Variants in SLC41A2 observed in about 807,000 individuals in gnomAD.
SLC41A2 encodes solute carrier family 41 member 2.
Under a neutral mutation model 58.3 loss-of-function variants are expected in SLC41A2, and 32 were observed. The ratio of observed to expected loss-of-function variants is 0.55; its 90% CI spans 0.41 to 0.74. The LOEUF (loss-of-function observed/expected upper bound fraction) is 0.74, where lower values mean the gene tolerates loss of function less well. SLC41A2 is among the 30% of genes least tolerant of loss of function. The pLI is 0.00. For synonymous variants in SLC41A2, 190 were observed against 235.0 expected, an observed-to-expected ratio of 0.81 and a Z score of 1.75; for missense variants, 514 against 680.6, an observed-to-expected ratio of 0.76 and a Z score of 2.72.
chr12:104,820,208 G>A (rs1439815267), intron 10 of SLC41A2, among the ~76,000 whole-genome samples: 1 of 152,228 alleles, frequency 6.6e-6, no homozygotes, highest in South Asian at 2.1e-4. Context: ...GGTCATCCCT[G>A]TAATCCTAGT....
chr12:104,892,772 C>G (rs1388510673), intron 4 of SLC41A2, among the ~76,000 whole-genome samples: 2 of 152,074 alleles, frequency 1.3e-5, no homozygotes, highest in Non-Finnish European at 2.9e-5. Flanking sequence ...GTCTTTTTAA[C>G]AAGTGGTGCT....
chr12:104,835,177 G>A (rs956113879), intron 10 of SLC41A2, among the ~76,000 whole-genome samples: 2 of 152,168 alleles, frequency 1.3e-5, no homozygotes, highest in Non-Finnish European at 2.9e-5. Context: ...CCTTTATACA[G>A]GTGGGAAACA....
chr12:104,874,073 GTT>G (rs529722018), intron 6 of SLC41A2, among the ~76,000 whole-genome samples: 4 of 117,616 alleles, frequency 3.4e-5, no homozygotes, highest in Admixed American at 1.7e-4. Flanking sequence ...GCCTGAGTTT[GTT>G]TTTTTTTTTT....
chr12:104,951,314 A>G (rs1001773772), intron 1 of SLC41A2, among the ~76,000 whole-genome samples: 7 of 152,222 alleles, frequency 4.6e-5, no homozygotes, highest in Non-Finnish European at 1.0e-4. Flanking sequence ...ACTCTGTGGA[A>G]TATAAAAAGA....
intron 2 of SLC41A2, among the ~76,000 whole-genome samples, chr12:104,916,623 GA>G: frequency 6.6e-6 from 1 of 151,956 alleles, no homozygotes; most frequent in Admixed American, 6.6e-5. Context: ...TACCAAAACA[GA>G]GATATAGATC....
At chr12:104,811,886 A>C (rs1321361601) in intron 10 of SLC41A2, among the ~76,000 whole-genome samples, 1 of 152,230 alleles carries the variant, frequency 6.6e-6, no homozygotes, top group African/African-American at 2.4e-5. Context: ...AGGCCAAAAG[A>C]TTACTTACAT....
intron 3 of SLC41A2, among the ~76,000 whole-genome samples, chr12:104,903,440 A>C (rs1297421462): frequency 6.6e-6 from 1 of 152,068 alleles, no homozygotes; most frequent in African/African-American, 2.4e-5. Context: ...TTTATCTAAC[A>C]CAGTGGTTTT....
intron 1 of SLC41A2, among the ~76,000 whole-genome samples, chr12:104,930,311 A>G (rs1005699023): frequency 7.2e-5 from 11 of 152,208 alleles, no homozygotes; most frequent in African/African-American, 9.6e-5. Context: ...ACCAATGGCC[A>G]GAGTGAAGCA....
intron 1 of SLC41A2, among the ~76,000 whole-genome samples, chr12:104,955,950 AGATTC>A (rs1268141839): frequency 6.6e-6 from 1 of 152,236 alleles, no homozygotes; most frequent in Non-Finnish European, 1.5e-5. Flanking sequence ...TAAGAAAACA[AGATTC>A]TCCACTTTAC....
At chr12:104,943,548 T>C (rs370998578) in intron 1 of SLC41A2, among the ~76,000 whole-genome samples, 3 of 152,228 alleles carry the variant, frequency 2.0e-5, no homozygotes, top group Non-Finnish European at 2.9e-5. Flanking sequence ...CACGGACCCC[T>C]GGACCAGCCT....
chr12:104,899,862 C>G (rs1457717201), intron 3 of SLC41A2, among the ~76,000 whole-genome samples: 1 of 152,132 alleles, frequency 6.6e-6, no homozygotes, highest in African/African-American at 2.4e-5. Flanking sequence ...AGGCCCCTCT[C>G]ACATTTCTGC....
In SLC41A2 at chr12:104,813,899, G is replaced by A. The variant is rs1034720720; in HGVS notation, c.1537-8562C>T. Among the ~76,000 whole-genome samples the A allele has an allele frequency of 1.1e-4, 16 of 152,212 alleles. No individual in the cohort carries two copies. The East Asian group carries it at 2.7e-3, about 26-fold the overall frequency. Reference sequence around the variant, plus strand: ...GATCTGCCCACCTTGGCCTCCCAAAGTGCTGGGATTACAGGCTTGAGCCTC... The same window carrying A: ...GATCTGCCCACCTTGGCCTCCCAAAATGCTGGGATTACAGGCTTGAGCCTC... On this transcript the variant is annotated intron_variant, in intron 10 of 10. Transcript: ENST00000258538.
At position 104,895,316 on chromosome 12, in the gene SLC41A2, A is replaced by G; in HGVS notation, c.693T>C (p.Ile231=). The G allele has an allele frequency of 6.2e-7, 1 of 1,613,138 alleles. No homozygotes were observed. The change falls in exon 4 of 11, where the codon ATT becomes ATC. Residue 231 remains isoleucine, a synonymous_variant. Coordinates refer to ENST00000258538, the MANE Select transcript of SLC41A2 (RefSeq NM_001352171.3). The part of the protein sequence containing the change: ...AVNIGKMDSP[I]EKWNLIIGNL... ...TGCCAATTATTAGGTTCCACTTTTC[A>G]ATGGGTGAATCCATCTTCCCAATAT... is the stretch of plus-strand genomic sequence containing the variant.
chr12:104,893,609 T>C (rs1442138141), intron 4 of SLC41A2, among the ~76,000 whole-genome samples: 1 of 152,166 alleles, frequency 6.6e-6, no homozygotes, highest in Non-Finnish European at 1.5e-5. Context: ...GCAAACTAAG[T>C]GACCATCAAC....
intron 6 of SLC41A2, among the ~76,000 whole-genome samples, chr12:104,880,629 C>T (rs1235228143): frequency 4.6e-5 from 7 of 152,148 alleles, no homozygotes; most frequent in Admixed American, 1.3e-4. Context: ...TATTGATTTG[C>T]ATATGTTGAA....
intron 10 of SLC41A2, among the ~76,000 whole-genome samples, chr12:104,823,919 TCA>T (rs1456574014): frequency 6.6e-6 from 1 of 152,200 alleles, no homozygotes; most frequent in East Asian, 1.9e-4. Context: ...GCTGTTTTTG[TCA>T]CACACAAAAA....
chr12:104,858,782 T>C (rs1235922640), intron 8 of SLC41A2, among the ~76,000 whole-genome samples: 2 of 152,134 alleles, frequency 1.3e-5, no homozygotes, highest in Non-Finnish European at 2.9e-5. Context: ...AAAGTGCTGA[T>C]AGCCAACTAA....
intron 7 of SLC41A2, among the ~76,000 whole-genome samples, chr12:104,863,690 A>G (rs2043298315): frequency 6.6e-6 from 1 of 151,954 alleles, no homozygotes; most frequent in South Asian, 2.1e-4. Context: ...TCCCACTTTG[A>G]TCCCTTCCCA....
chr12:104,852,678 A>C (rs982319505), intron 8 of SLC41A2, among the ~76,000 whole-genome samples: 2 of 152,206 alleles, frequency 1.3e-5, no homozygotes, highest in African/African-American at 4.8e-5. Flanking sequence ...GACTTCAGAA[A>C]GACACTGATA....
Sources: gnomAD v4.1 joint callset for allele counts (sites outside exome capture counted in the v4.1 genomes callset) on GRCh38, gnomAD v4.1.1 for gene constraint, MANE v1.5 for transcripts, NCBI Gene and HGNC (gene_info 2026-07-23, HGNC 2026-07-21) for gene names.